C12orf56: variants seen among roughly 807,000 people sequenced by gnomAD.
C12orf56 encodes chromosome 12 open reading frame 56.
C12orf56 carries 71 observed loss-of-function variants against 69.9 expected under a neutral mutation model. The ratio of observed to expected loss-of-function variants is 1.02; its 90% CI spans 0.84 to 1.24. The LOEUF (loss-of-function observed/expected upper bound fraction) is 1.24. Among genes scored for constraint, C12orf56 ranks in the 50% most tolerant of loss-of-function variants. The pLI, the probability that C12orf56 is intolerant of heterozygous loss-of-function variation, is 0.00. For synonymous variants in C12orf56, 276 were observed against 274.1 expected, an observed-to-expected ratio of 1.01 and a Z score of -0.07; for missense variants, 732 against 738.5, an observed-to-expected ratio of 0.99 and a Z score of 0.10.
intron 3 of C12orf56, among the ~76,000 whole-genome samples, chr12:64,328,211 C>T (rs7487980): frequency 0.45 from 68,161 of 151,756 alleles, 15,657 homozygotes; most frequent in African/African-American, 0.54. Context: ...TCACTTTTTC[C>T]GAACAGCATT....
intron 3 of C12orf56, among the ~76,000 whole-genome samples, chr12:64,327,982 T>C (rs1334572491): frequency 6.6e-6 from 1 of 152,072 alleles, no homozygotes; most frequent in Non-Finnish European, 1.5e-5. Context: ...GTAATGTGTT[T>C]AGGAAAAATA....
chr12:64,390,647 G>A lies in C12orf56; in HGVS notation c.-82C>T. 1.5e-6 allele frequency: 2 copies of A among 1,372,850 alleles called. No homozygotes were observed. The highest frequency in any genetic ancestry group is 1.9e-6 in the Non-Finnish European group (2 of 1,070,856). 85.0% of individuals were successfully genotyped at this position (1,372,850 alleles called of 1,614,324 possible). ...TCCCCGCCCCCGCGCTGGAACCCGC[G>A]CGCCACAAAGCCGCCGGCCACGCGT... On this transcript the variant is annotated 5_prime_UTR_variant, in exon 1 of 13. Coordinates refer to ENST00000543942, the MANE Select transcript of C12orf56 (RefSeq NM_001170633.2).
At chr12:64,273,785 G>C (rs1202917239) in intron 11 of C12orf56, among the ~76,000 whole-genome samples, 1 of 152,126 alleles carries the variant, frequency 6.6e-6, no homozygotes, top group African/African-American at 2.4e-5. Context: ...GGCACATACT[G>C]GCTCTTAAAG....
intron 1 of C12orf56, among the ~76,000 whole-genome samples, chr12:64,368,043 G>C (rs1592495034): frequency 6.6e-6 from 1 of 151,662 alleles, no homozygotes; most frequent in South Asian, 2.1e-4. Context: ...CCTGACCTCA[G>C]TTGATCCACC....
chr12:64,346,253 C>T (rs190863298), intron 2 of C12orf56, among the ~76,000 whole-genome samples: 3 of 152,174 alleles, frequency 2.0e-5, no homozygotes, highest in Non-Finnish European at 4.4e-5. Context: ...GCCCGACGTT[C>T]GAGGGCAGGA....
At chr12:64,296,510 T>C (rs2038366414) in intron 6 of C12orf56, among the ~76,000 whole-genome samples, 1 of 152,176 alleles carries the variant, frequency 6.6e-6, no homozygotes, top group Non-Finnish European at 1.5e-5. Flanking sequence ...GGAGAGGAAT[T>C]TGCCTCAGGA....
intron 2 of C12orf56, among the ~76,000 whole-genome samples, chr12:64,344,743 C>G (rs2039118226): frequency 6.6e-6 from 1 of 152,158 alleles, no homozygotes; most frequent in South Asian, 2.1e-4. Context: ...AAGGGTATAT[C>G]TTCTGGACCC....
At chr12:64,273,388 A>G (rs1227805610) in intron 11 of C12orf56, among the ~76,000 whole-genome samples, 1 of 152,212 alleles carries the variant, frequency 6.6e-6, no homozygotes, top group Non-Finnish European at 1.5e-5. Flanking sequence ...GAGATTTCCA[A>G]TTAAGTGTTT....
At chr12:64,368,708 C>A (rs1194316523) in intron 1 of C12orf56, among the ~76,000 whole-genome samples, 1 of 152,114 alleles carries the variant, frequency 6.6e-6, no homozygotes, top group Non-Finnish European at 1.5e-5. Context: ...GCCAAACTGG[C>A]TAATCACAGT....
chr12:64,323,245 C>T (rs1160528340), intron 3 of C12orf56, among the ~76,000 whole-genome samples: 1 of 152,068 alleles, frequency 6.6e-6, no homozygotes, highest in Non-Finnish European at 1.5e-5. Context: ...GTCTAAATTC[C>T]GTTCTTACCA....
At chr12:64,272,992 G>A (rs2038008620) in intron 11 of C12orf56, among the ~76,000 whole-genome samples, 1 of 152,144 alleles carries the variant, frequency 6.6e-6, no homozygotes, top group African/African-American at 2.4e-5. Flanking sequence ...CAACAGATGC[G>A]TGTCCATATA....
At chr12:64,337,158 G>A (rs570114709) in intron 2 of C12orf56, among the ~76,000 whole-genome samples, 1 of 152,232 alleles carries the variant, frequency 6.6e-6, no homozygotes, top group Admixed American at 6.5e-5. Flanking sequence ...TATCTATATA[G>A]ATATAGATAT....
At chr12:64,346,693 T>C (rs1177176067) in intron 2 of C12orf56, among the ~76,000 whole-genome samples, 2 of 152,110 alleles carry the variant, frequency 1.3e-5, no homozygotes, top group Non-Finnish European at 2.9e-5. Flanking sequence ...ATCACATGAT[T>C]GGTTCCTCTG....
chr12:64,321,377 AT>A (rs1305514642), intron 3 of C12orf56, among the ~76,000 whole-genome samples: 1 of 151,984 alleles, frequency 6.6e-6, no homozygotes, highest in Non-Finnish European at 1.5e-5. Context: ...GTCTCACTAC[AT>A]TGCCCAGGCT....
chr12:64,339,525 A>G (rs2039045779), intron 2 of C12orf56, among the ~76,000 whole-genome samples: 1 of 152,116 alleles, frequency 6.6e-6, no homozygotes, highest in Non-Finnish European at 1.5e-5. Flanking sequence ...GGAGCTCTCC[A>G]AACCCCGTCA....
At chr12:64,319,070 G>GT in intron 3 of C12orf56, 90 bp from the exon 4 acceptor site, 1 of 1,201,394 alleles carries the variant, frequency 8.3e-7, no homozygotes. Flanking sequence ...GAACACAAAT[G>GT]TTTTCTCACA....
intron 5 of C12orf56, among the ~76,000 whole-genome samples, chr12:64,306,569 C>A (rs6581535): frequency 0.41 from 62,393 of 151,826 alleles, 12,895 homozygotes; most frequent in African/African-American, 0.43. Flanking sequence ...AAGTTTTGCC[C>A]TGTTGCTCAG....
chr12:64,334,352 A>C (rs1010382730), intron 2 of C12orf56, among the ~76,000 whole-genome samples: 2 of 152,164 alleles, frequency 1.3e-5, no homozygotes, highest in Non-Finnish European at 2.9e-5. Flanking sequence ...AAAATTACAC[A>C]CACACACATA....
chr12:64,358,482 AATCATCATCATCATCATCATC>A (rs1555193400), intron 1 of C12orf56, among the ~76,000 whole-genome samples: 9 of 125,938 alleles, frequency 7.1e-5, no homozygotes, highest in South Asian at 2.7e-4. Context: ...TAATAATAAT[AATCATCATCATCATCATCATC>A]ATCATCTTGG....
Sources: gnomAD v4.1 joint callset for allele counts (sites outside exome capture counted in the v4.1 genomes callset) on GRCh38, gnomAD v4.1.1 for gene constraint, MANE v1.5 for transcripts, NCBI Gene and HGNC (gene_info 2026-07-23, HGNC 2026-07-21) for gene names.